The following ZNF423 variants were observed in gnomAD, a reference collection of about 807,000 sequenced individuals.
The protein encoded by ZNF423 is Ebf-associated zinc finger protein.
ZNF423 carries 12 observed loss-of-function variants against 95.8 expected under a neutral mutation model. The observed-to-expected ratio is 0.13, with a 90% CI of 0.08 to 0.20. The LOEUF (loss-of-function observed/expected upper bound fraction) is 0.20. ZNF423 is among the 10% of genes least tolerant of loss of function. The pLI is 1.00. For missense variants in ZNF423, 1,316 were observed against 1,737.1 expected, an observed-to-expected ratio of 0.76 and a Z score of 4.31; for synonymous variants, 749 against 711.9, an observed-to-expected ratio of 1.05 and a Z score of -0.83.
intron 3 of ZNF423, among the ~76,000 whole-genome samples, chr16:49,713,606 C>T (rs2032611896): frequency 6.6e-6 from 1 of 152,214 alleles, no homozygotes; most frequent in African/African-American, 2.4e-5. Flanking sequence ...CCCCTTCTTC[C>T]CCTGCCCGCT....
At chr16:49,830,309 G>A (rs1266452227) in intron 1 of ZNF423, among the ~76,000 whole-genome samples, 1 of 152,170 alleles carries the variant, frequency 6.6e-6, no homozygotes, top group Non-Finnish European at 1.5e-5. Context: ...CTGATGAGAT[G>A]TGAGGGAGAG....
At chr16:49,788,472 A>G (rs1472692957) in intron 2 of ZNF423, among the ~76,000 whole-genome samples, 1 of 152,250 alleles carries the variant, frequency 6.6e-6, no homozygotes, top group Non-Finnish European at 1.5e-5. Context: ...TTAGACACAT[A>G]ACCATGAAAA....
In ZNF423 at chr16:49,663,632, G is replaced by A. The variant is rs528499068; in HGVS notation, c.302-24758C>T. 2.0e-4 allele frequency among the ~76,000 whole-genome samples: 30 copies of A among 152,328 alleles called. 1 individual carries two copies. The highest frequency in any genetic ancestry group is 3.4e-3 in the Middle Eastern group (1 of 294). On this transcript the variant is annotated intron_variant, in intron 3 of 7. Transcript: ENST00000563137. The stretch of plus-strand genomic sequence containing the variant: ...CAGACATGAGGCTTCAGGAGGGCAC[G>A]GGAGAGGGCAGGAGCCAGAGGCAGG...
chr16:49,638,214 T>A lies in ZNF423; in HGVS notation c.962A>T (p.His321Leu). ...CTGGTTGGCGTGGGCTTGGTGGATA[T>A]GGGCGAGCAGTGTGTTCTCGTCGAC... ...VFVDENTLLAHIHQAHANQKH... is the reference protein window; with the variant it reads ...VFVDENTLLALIHQAHANQKH... The change falls in exon 4 of 8, where the codon CAT (histidine) becomes CTT (leucine). Residue 321 changes from histidine to leucine, a missense_variant. Around this residue, in one of 6 missense-constraint regions of ZNF423, gnomAD observed 399 missense variants for 478.5 expected, o/e 0.83. Coordinates refer to ENST00000563137, the MANE Select transcript of ZNF423 (RefSeq NM_001379286.1). This position sits in a 1 kb window ranked among gnomAD's most constrained non-coding sequence, Gnocchi z 5.6. The A allele has an allele frequency of 6.2e-7, 1 of 1,608,442 alleles. No homozygotes were observed. The highest frequency in any genetic ancestry group is 8.5e-7 in the Non-Finnish European group (1 of 1,179,992).
chr16:49,764,914 ATT>A (rs568429802), intron 2 of ZNF423, among the ~76,000 whole-genome samples: 7 of 138,116 alleles, frequency 5.1e-5, no homozygotes, highest in Admixed American at 7.3e-5. Context: ...CGCCCAGCTA[ATT>A]TTTTTTTTTT....
At chr16:49,835,738 T>G (rs998489754) in intron 1 of ZNF423, among the ~76,000 whole-genome samples, 8 of 151,810 alleles carry the variant, frequency 5.3e-5, no homozygotes, top group East Asian at 1.9e-4. Context: ...TAGGAGGTGG[T>G]GGGGGGGCAG....
At chr16:49,695,646 C>T (rs1261665689) in intron 3 of ZNF423, among the ~76,000 whole-genome samples, 1 of 152,190 alleles carries the variant, frequency 6.6e-6, no homozygotes, top group African/African-American at 2.4e-5. Flanking sequence ...AAGCTGGTAT[C>T]CAACTCCCGA....
chr16:49,805,700 A>G (rs537911761), intron 1 of ZNF423, among the ~76,000 whole-genome samples: 22 of 152,340 alleles, frequency 1.4e-4, no homozygotes, highest in Admixed American at 1.3e-3. Flanking sequence ...GCCCACGTTG[A>G]TCATAAACTC....
At chr16:49,629,711 G>A (rs1417566623) in intron 4 of ZNF423, among the ~76,000 whole-genome samples, 1 of 152,196 alleles carries the variant, frequency 6.6e-6, no homozygotes, top group Non-Finnish European at 1.5e-5. Context: ...GTCTACCTTT[G>A]AGGCAGCACA....
chr16:49,561,461 C>T (rs532053534), intron 5 of ZNF423, among the ~76,000 whole-genome samples: 6 of 152,240 alleles, frequency 3.9e-5, no homozygotes, highest in Non-Finnish European at 7.4e-5. Context: ...GTACTTTTAA[C>T]CTTTGTATAC....
rs746399268 is a variant in ZNF423 at position 49,638,771 on chromosome 16, G to A, written c.405C>T (p.Leu135=). 1.9e-5 allele frequency: 30 copies of A among 1,613,958 alleles called. No individual in the cohort carries two copies. Among genetic ancestry groups the A allele is most frequent in the African/African-American group, 1.7e-4 (13 of 74,910 alleles). Residue 135 remains leucine, a synonymous_variant, in exon 4 of 8, where the codon CTC becomes CTT. Transcript: ENST00000563137. This position sits in a 1 kb window ranked among gnomAD's most constrained non-coding sequence, Gnocchi z 5.6. ...QMIGDGCDLG[L]GEEEGGTGLP... ...GGCCCGTGCCCCCTTCCTCCTCGCCGAGGCCGAGGTCACAACCATCTCCGA... is the reference window on the plus strand; with the variant it reads ...GGCCCGTGCCCCCTTCCTCCTCGCCAAGGCCGAGGTCACAACCATCTCCGA...
At chr16:49,812,552 G>C (rs1022859690) in intron 1 of ZNF423, among the ~76,000 whole-genome samples, 1 of 152,134 alleles carries the variant, frequency 6.6e-6, no homozygotes, top group African/African-American at 2.4e-5. Context: ...AATTAGCCAG[G>C]TGTGGTGGCA....
intron 3 of ZNF423, among the ~76,000 whole-genome samples, chr16:49,700,628 C>T (rs1471339332): frequency 2.6e-5 from 4 of 152,214 alleles, no homozygotes; most frequent in African/African-American, 4.8e-5. Flanking sequence ...GGAACGCAGC[C>T]GCCAGCGCCC....
chr16:49,754,565 A>C (rs986175689), intron 2 of ZNF423, among the ~76,000 whole-genome samples: 1 of 152,106 alleles, frequency 6.6e-6, no homozygotes, highest in Non-Finnish European at 1.5e-5. Context: ...CTCTTCCACT[A>C]TGAAAGCTGT....
chr16:49,580,309 C>G (rs1416407303), intron 5 of ZNF423, among the ~76,000 whole-genome samples: 1 of 152,136 alleles, frequency 6.6e-6, no homozygotes, highest in Non-Finnish European at 1.5e-5. Flanking sequence ...CTCAGCTTGA[C>G]CAACATCCTC....
chr16:49,730,946 G>A lies in ZNF423; in HGVS notation c.126C>T (p.Cys42=), dbSNP rs139517505. The A allele has an allele frequency of 2.6e-5, 42 of 1,614,008 alleles. No individual in the cohort carries two copies. The highest frequency in any genetic ancestry group is 1.6e-4 in the Middle Eastern group (1 of 6,084). ...AAGGLEGEPE[C]DQKTSRALED... ...CCAGCGCACGGCTGGTTTTCTGATCGCACTCTGGCTCTCCTTCTAGGCCTC... is the reference window on the plus strand; with the variant it reads ...CCAGCGCACGGCTGGTTTTCTGATCACACTCTGGCTCTCCTTCTAGGCCTC... The change falls in exon 3 of 8, where the codon TGC becomes TGT. Residue 42 remains cysteine, a synonymous_variant. Transcript: ENST00000563137.
chr16:49,740,943 C>T (rs2033402135), intron 2 of ZNF423, among the ~76,000 whole-genome samples: 1 of 152,214 alleles, frequency 6.6e-6, no homozygotes, highest in African/African-American at 2.4e-5. Context: ...TCGTGACCCC[C>T]AGCCCCTGTC....
chr16:49,702,185 T>C (rs1234419091), intron 3 of ZNF423, among the ~76,000 whole-genome samples: 1 of 152,204 alleles, frequency 6.6e-6, no homozygotes, highest in Non-Finnish European at 1.5e-5. Flanking sequence ...GTTGCTGACA[T>C]GTTGACAGAT....
intron 3 of ZNF423, among the ~76,000 whole-genome samples, chr16:49,677,913 T>G (rs1336473733): frequency 2.7e-4 from 41 of 152,302 alleles, no homozygotes; most frequent in Non-Finnish European, 1.8e-4. Flanking sequence ...CCAGGCGCAG[T>G]GGCTCACACT....
Sources: gnomAD v4.1 joint callset for allele counts (sites outside exome capture counted in the v4.1 genomes callset) on GRCh38, gnomAD v4.1.1 for gene constraint, gnomAD v4.1.1 regional missense constraint, Gnocchi (gnomAD v3.1) non-coding constraint, MANE v1.5 for transcripts, NCBI Gene and HGNC (gene_info 2026-07-23, HGNC 2026-07-21) for gene names.